PPARD: variants seen among roughly 807,000 people sequenced by gnomAD.
PPARD encodes the protein peroxisome proliferator-activated receptor delta.
PPARD carries 6 observed loss-of-function variants against 39.5 expected under a neutral mutation model. The observed-to-expected ratio is 0.15, with a 90% CI of 0.08 to 0.30. The LOEUF (loss-of-function observed/expected upper bound fraction) is 0.30, where lower values mean the gene tolerates loss of function less well. PPARD is among the 10% of genes least tolerant of loss of function. The pLI, the probability that PPARD is intolerant of heterozygous loss-of-function variation, is 1.00. For missense variants in PPARD, 397 were observed against 596.8 expected (o/e 0.67, Z 3.49); for synonymous variants, 210 against 231.3 (o/e 0.91, Z 0.83).
At chr6:35,419,802 C>T (rs748900923) in intron 3 of PPARD, among the ~76,000 whole-genome samples, 181 of 152,330 alleles carry the variant, frequency 1.2e-3, no homozygotes, top group Non-Finnish European at 2.4e-3. Context: ...TCCCAAAACA[C>T]AGCCATCCTC....
At chr6:35,408,055 G>A (rs1461033408) in intron 2 of PPARD, among the ~76,000 whole-genome samples, 4 of 152,158 alleles carry the variant, frequency 2.6e-5, no homozygotes, top group East Asian at 1.9e-4. Flanking sequence ...ATTGCAGGGT[G>A]GGTCCAGCAG....
In PPARD at chr6:35,401,355, A is replaced by G. The variant is rs1467305489; in HGVS notation, c.-101-9632A>G. 1.3e-5 allele frequency among the ~76,000 whole-genome samples: 2 copies of G among 152,110 alleles called. No individual in the cohort carries two copies. The highest frequency in any genetic ancestry group is 6.5e-5 in the Admixed American group (1 of 15,274). On this transcript the variant is annotated intron_variant, in intron 2 of 7. Transcript: ENST00000360694. The surrounding 1 kb of genome is among the most constrained non-coding windows in gnomAD (Gnocchi z 4.1). ...TCCGAGCCTGGCTGAAATCATCTTCAGTCTGTTATCACCTTCAGTCTGTTC... is the reference window on the plus strand; with the variant it reads ...TCCGAGCCTGGCTGAAATCATCTTCGGTCTGTTATCACCTTCAGTCTGTTC...
rs1182444076 is a variant in PPARD at position 35,385,013 on chromosome 6, GA to G, written c.-101-25973del. 5.0e-5 allele frequency among the ~76,000 whole-genome samples: 7 copies of G among 139,438 alleles called. 1 individual carries two copies. The highest frequency in any genetic ancestry group is 2.1e-4 in the East Asian group (1 of 4,842). 91.5% of individuals were successfully genotyped at this position (139,438 alleles called of 152,430 possible). On this transcript the variant is annotated intron_variant, in intron 2 of 7. Coordinates refer to ENST00000360694, the MANE Select transcript of PPARD (RefSeq NM_006238.5). ...GCCGCCCCGTCCGGGAGGGAGGTGG[GA>G]GGGGTCAGCCCCCCACCCGGCCAGC...
chr6:35,367,305 T>C (rs1762258748), intron 2 of PPARD, among the ~76,000 whole-genome samples: 2 of 152,082 alleles, frequency 1.3e-5, no homozygotes, highest in African/African-American at 4.8e-5. Flanking sequence ...TATGAAGAGG[T>C]ACCCTTGGCC....
chr6:35,373,228 A>C (rs1762596973), intron 2 of PPARD, among the ~76,000 whole-genome samples: 1 of 152,216 alleles, frequency 6.6e-6, no homozygotes, highest in Non-Finnish European at 1.5e-5. Flanking sequence ...ATTAAGTTTC[A>C]ACATGAATTT....
chr6:35,397,844 G>A (rs1198886432), intron 2 of PPARD, among the ~76,000 whole-genome samples: 2 of 152,304 alleles, frequency 1.3e-5, no homozygotes, highest in East Asian at 1.9e-4. Context: ...TTGAAATAGG[G>A]AAGCCAGGGA....
rs138292070 is a variant in PPARD at position 35,401,265 on chromosome 6, C to T, written c.-101-9722C>T. Among the ~76,000 whole-genome samples the T allele has an allele frequency of 7.4e-4, 112 of 152,282 alleles. 2 individuals are homozygous for T. Among genetic ancestry groups the T allele is most frequent in the Middle Eastern group, 3.4e-3 (1 of 294 alleles). ...ACAGGCAGCTGCTTCCCAGACCTTG[C>T]AGGGCTCCAGGTGGCCTTCCCCTCC... On this transcript the variant is annotated intron_variant, in intron 2 of 7. Transcript: ENST00000360694. This position sits in a 1 kb window ranked among gnomAD's most constrained non-coding sequence, Gnocchi z 4.1.
At chr6:35,408,583 A>G (rs1282656384) in intron 2 of PPARD, among the ~76,000 whole-genome samples, 1 of 152,216 alleles carries the variant, frequency 6.6e-6, no homozygotes, top group Admixed American at 6.5e-5. Context: ...AAGTCCCTGC[A>G]ATGCAGTGTA....
At chr6:35,370,705 C>T (rs1762439863) in intron 2 of PPARD, among the ~76,000 whole-genome samples, 1 of 152,212 alleles carries the variant, frequency 6.6e-6, no homozygotes, top group Non-Finnish European at 1.5e-5. Flanking sequence ...CTTCCCAGGT[C>T]ACAGCAGCAG....
At chr6:35,356,835 A>G (rs543671296) in intron 2 of PPARD, among the ~76,000 whole-genome samples, 103 of 152,328 alleles carry the variant, frequency 6.8e-4, no homozygotes, top group Non-Finnish European at 1.3e-3. Flanking sequence ...ACCTCACATC[A>G]ATAAACCTGG....
At chr6:35,374,588 A>G (rs142863369) in intron 2 of PPARD, among the ~76,000 whole-genome samples, 7,436 of 150,854 alleles carry the variant, frequency 0.049, 617 homozygotes, top group African/African-American at 0.17. Flanking sequence ...AACCCGGGAC[A>G]CAGAGCTTGC....
At chr6:35,397,472 C>T (rs1764414928) in intron 2 of PPARD, 1 of 915,476 alleles carries the variant, frequency 1.1e-6, no homozygotes. Context: ...AATTTATGCT[C>T]ATCTTGATAA....
At chr6:35,379,096 CTT>C (rs966712151) in intron 2 of PPARD, among the ~76,000 whole-genome samples, 14 of 134,432 alleles carry the variant, frequency 1.0e-4, no homozygotes, top group Admixed American at 1.5e-4. Context: ...TCTTTTCTTT[CTT>C]TTTTTTTTTT....
chr6:35,425,743 C>A lies in PPARD; in HGVS notation c.1079-89C>A. On this transcript the variant is annotated intron_variant, in intron 7 of 7. Transcript: ENST00000360694. This position sits in a 1 kb window ranked among gnomAD's most constrained non-coding sequence, Gnocchi z 4.5. ...GTCTGTCACGGCCAAGGAGGCCTGC[C>A]GTCCCCTGGGCCAAGTCACCTCTTG... 7 of 1,547,434 alleles carry A rather than the reference C, an allele frequency of 4.5e-6. No individual in the cohort carries two copies. Among genetic ancestry groups the A allele is most frequent in the Non-Finnish European group, 6.1e-6 (7 of 1,146,154 alleles).
At chr6:35,384,941 C>T (rs1284840431) in intron 2 of PPARD, among the ~76,000 whole-genome samples, 1 of 133,488 alleles carries the variant, frequency 7.5e-6, no homozygotes, top group East Asian at 2.2e-4. Flanking sequence ...CCAGGCCAGC[C>T]GCCCCATCCG....
intron 2 of PPARD, among the ~76,000 whole-genome samples, chr6:35,362,203 T>G (rs1387423768): frequency 6.6e-6 from 1 of 152,182 alleles, no homozygotes; most frequent in Non-Finnish European, 1.5e-5. Context: ...GTGACTTGCC[T>G]TTCCCATTTT....
At chr6:35,421,023 C>T (rs1043092290) in intron 4 of PPARD, among the ~76,000 whole-genome samples, 1 of 152,018 alleles carries the variant, frequency 6.6e-6, no homozygotes, top group African/African-American at 2.4e-5. Context: ...GATGGGGTTT[C>T]ACCACATTGG....
At chr6:35,411,302 A>C (rs1310753916) in intron 3 of PPARD, 85 bp downstream of exon 3, 4 of 1,340,100 alleles carry the variant, frequency 3.0e-6, no homozygotes, top group Non-Finnish European at 3.9e-6. Context: ...AAACGCCATC[A>C]TGTGGGGCGC....
chr6:35,362,480 A>G (rs1444945947), intron 2 of PPARD, among the ~76,000 whole-genome samples: 1 of 151,764 alleles, frequency 6.6e-6, no homozygotes, highest in Admixed American at 6.6e-5. Context: ...AATCCAGAAA[A>G]GGATACCACC....
Sources: gnomAD v4.1 joint callset for allele counts (sites outside exome capture counted in the v4.1 genomes callset) on GRCh38, gnomAD v4.1.1 for gene constraint, Gnocchi (gnomAD v3.1) non-coding constraint, MANE v1.5 for transcripts, NCBI Gene and HGNC (gene_info 2026-07-23, HGNC 2026-07-21) for gene names.